The following DLG2 variants were observed in gnomAD, a reference collection of about 807,000 sequenced individuals.
DLG2 encodes the protein discs large MAGUK scaffold protein 2, also known as disks large homolog 2.
A neutral mutation model predicts 132.5 loss-of-function variants in DLG2; 45 were observed. The observed-to-expected ratio is 0.34, with a 90% CI of 0.27 to 0.44. DLG2 has a LOEUF of 0.44. DLG2 is among the 20% of genes least tolerant of loss of function. DLG2 has a pLI of 1.00. For synonymous variants in DLG2, 424 were observed against 419.6 expected (o/e 1.01, Z -0.13); for missense variants, 1,045 against 1,196.9 (o/e 0.87, Z 1.87).
chr11:85,485,318 A>G (rs1011452537), intron 3 of DLG2, among the ~76,000 whole-genome samples: 7 of 152,200 alleles, frequency 4.6e-5, no homozygotes, highest in African/African-American at 1.2e-4. Context: ...TAACCTGCAC[A>G]TTGTGCACAT....
chr11:85,427,894 A>G (rs1183004016), intron 3 of DLG2, among the ~76,000 whole-genome samples: 3 of 152,162 alleles, frequency 2.0e-5, no homozygotes, highest in Non-Finnish European at 4.4e-5. Context: ...CTCATGTGCG[A>G]AGACACACAT....
intron 3 of DLG2, among the ~76,000 whole-genome samples, chr11:85,356,257 T>C (rs977944157): frequency 3.3e-5 from 5 of 152,240 alleles, no homozygotes; most frequent in African/African-American, 1.2e-4. Flanking sequence ...CTCCTGCTTA[T>C]ACAATGCCCT....
intron 10 of DLG2, 138 bp from the exon 11 acceptor site, chr11:84,059,622 G>A (rs1448612993): frequency 4.2e-6 from 3 of 717,958 alleles, no homozygotes; most frequent in Non-Finnish European, 6.4e-6. Flanking sequence ...TTGGAAGGAT[G>A]CTTCAAATGA....
At chr11:84,403,977 T>C (rs935557364) in intron 7 of DLG2, among the ~76,000 whole-genome samples, 4 of 152,192 alleles carry the variant, frequency 2.6e-5, no homozygotes, top group African/African-American at 9.6e-5. Context: ...TCTGCATTTT[T>C]ATCTAATATT....
intron 6 of DLG2, among the ~76,000 whole-genome samples, chr11:84,623,316 C>T (rs531312375): frequency 6.6e-6 from 1 of 152,238 alleles, no homozygotes; most frequent in African/African-American, 2.4e-5. Context: ...CCGACACAAA[C>T]TTGCTCCCTC....
intron 8 of DLG2, among the ~76,000 whole-genome samples, chr11:84,218,796 TGACA>T (rs1412045059): frequency 4.6e-5 from 7 of 152,210 alleles, no homozygotes; most frequent in African/African-American, 1.7e-4. Context: ...TTGGCATTAC[TGACA>T]TTTAGTGAGT....
At chr11:85,307,873 G>A (rs998362949) in intron 3 of DLG2, among the ~76,000 whole-genome samples, 14 of 152,100 alleles carry the variant, frequency 9.2e-5, no homozygotes, top group Non-Finnish European at 1.5e-4. Context: ...TAAAACAAGA[G>A]GCTGGGCGCG....
chr11:85,113,321 G>C (rs553870926), intron 5 of DLG2, among the ~76,000 whole-genome samples: 1 of 152,006 alleles, frequency 6.6e-6, no homozygotes, highest in African/African-American at 2.4e-5. Context: ...ATCACAATTT[G>C]CAAGGAAGCT....
At chr11:85,030,122 C>T (rs1005996214) in intron 6 of DLG2, among the ~76,000 whole-genome samples, 1 of 152,216 alleles carries the variant, frequency 6.6e-6, no homozygotes, top group Non-Finnish European at 1.5e-5. Context: ...CTTCATTGCT[C>T]AATTAAACTC....
Position 85,604,633 on chromosome 11 carries a change from GA to G in DLG2, c.-92-5846del, listed in dbSNP as rs1349936890. 6.4e-3 allele frequency among the ~76,000 whole-genome samples: 926 copies of G among 143,870 alleles called. 8 individuals are homozygous for G. The highest frequency in any genetic ancestry group is 0.02 in the African/African-American group (784 of 39,592). 94.4% of individuals were successfully genotyped at this position (143,870 alleles called of 152,430 possible). Reference sequence around the variant, plus strand: ...CTTCATAAGACTCCTGAGTCTACAGGAAAAAAAAAAAGCTAAATTTGGATTA... The same window carrying G: ...CTTCATAAGACTCCTGAGTCTACAGGAAAAAAAAAAGCTAAATTTGGATTA... On this transcript the variant is annotated intron_variant, in intron 2 of 27. Coordinates refer to ENST00000376104, the MANE Select transcript of DLG2 (RefSeq NM_001142699.3).
At chr11:85,345,416 T>G (rs1392494607) in intron 3 of DLG2, among the ~76,000 whole-genome samples, 2 of 152,148 alleles carry the variant, frequency 1.3e-5, no homozygotes, top group Non-Finnish European at 2.9e-5. Flanking sequence ...ATTTACACAT[T>G]GTTGAACCAC....
chr11:83,786,999 C>T (rs968152857), intron 17 of DLG2, among the ~76,000 whole-genome samples: 1 of 152,032 alleles, frequency 6.6e-6, no homozygotes, highest in African/African-American at 2.4e-5. Context: ...GGTGTTTGTG[C>T]CATGGTCTGA....
intron 19 of DLG2, among the ~76,000 whole-genome samples, chr11:83,600,440 T>C (rs988856297): frequency 2.6e-5 from 4 of 152,176 alleles, no homozygotes; most frequent in Non-Finnish European, 4.4e-5. Flanking sequence ...ATATAAAAAA[T>C]TGAATCACAA....
chr11:84,128,751 A>G (rs1028055669), intron 9 of DLG2, among the ~76,000 whole-genome samples: 1 of 152,132 alleles, frequency 6.6e-6, no homozygotes, highest in Admixed American at 6.6e-5. Flanking sequence ...CTTCATTGAT[A>G]TAATCAAGCG....
intron 6 of DLG2, among the ~76,000 whole-genome samples, chr11:84,536,918 G>T (rs984366497): frequency 6.6e-6 from 1 of 152,168 alleles, no homozygotes; most frequent in Non-Finnish European, 1.5e-5. Context: ...GAGCTGGCTA[G>T]CCTGTCTGTG....
At chr11:84,615,818 T>TTAAAAAAAAAAA (rs2099602984) in intron 6 of DLG2, among the ~76,000 whole-genome samples, 6 of 67,624 alleles carry the variant, frequency 8.9e-5, no homozygotes, top group African/African-American at 3.7e-4. Context: ...ACAAAAACGG[T>TTAAAAAAAAAAA]AAAAAAAAAA....
chr11:84,997,940 G>A (rs2057818836), intron 6 of DLG2, among the ~76,000 whole-genome samples: 1 of 152,136 alleles, frequency 6.6e-6, no homozygotes, highest in Non-Finnish European at 1.5e-5. Context: ...TCCAGTTGCT[G>A]CTCTACCAGT....
chr11:85,529,747 T>A (rs1352592347), intron 3 of DLG2, among the ~76,000 whole-genome samples: 1 of 152,156 alleles, frequency 6.6e-6, no homozygotes, highest in Non-Finnish European at 1.5e-5. Flanking sequence ...GTACCAACTT[T>A]CCTTTCCTCA....
intron 4 of DLG2, among the ~76,000 whole-genome samples, chr11:85,280,628 A>G (rs1025112345): frequency 3.3e-5 from 5 of 152,064 alleles, no homozygotes; most frequent in Admixed American, 1.3e-4. Context: ...AGCAGAAGTG[A>G]GGAGGATGCT....
Sources: gnomAD v4.1 joint callset for allele counts (sites outside exome capture counted in the v4.1 genomes callset) on GRCh38, gnomAD v4.1.1 for gene constraint, MANE v1.5 for transcripts, NCBI Gene and HGNC (gene_info 2026-07-23, HGNC 2026-07-21) for gene names.